PBX1: variants seen among roughly 807,000 people sequenced by gnomAD.
The protein encoded by PBX1 is pre-B-cell leukemia transcription factor 1.
In PBX1, 6 loss-of-function variants were observed where a neutral mutation model predicts 53.4. The observed-to-expected ratio is 0.11, with a 90% CI of 0.06 to 0.22. PBX1 has a LOEUF of 0.22. Among genes scored for constraint, PBX1 ranks in the 10% least tolerant of loss-of-function variants. The probability of loss-of-function intolerance (pLI) is 1.00; values close to 1 mark genes in which losing one functional copy is unlikely to be tolerated. For synonymous variants in PBX1, 204 were observed against 212.3 expected, an observed-to-expected ratio of 0.96 and a Z score of 0.34; for missense variants, 251 against 551.4, an observed-to-expected ratio of 0.46 and a Z score of 5.46.
intron 2 of PBX1, among the ~76,000 whole-genome samples, chr1:164,610,037 C>A (rs1024485285): frequency 1.3e-5 from 2 of 152,140 alleles, no homozygotes; most frequent in Non-Finnish European, 2.9e-5. Context: ...TGCACATTCA[C>A]GATGCCCTCT....
chr1:164,710,428 T>A (rs1459931418), intron 2 of PBX1, among the ~76,000 whole-genome samples: 1 of 152,126 alleles, frequency 6.6e-6, no homozygotes, highest in Non-Finnish European at 1.5e-5. Context: ...TTTTGTTTTT[T>A]GAGATGGAGT....
intron 1 of PBX1, among the ~76,000 whole-genome samples, chr1:164,560,918 G>A (rs988387677): frequency 2.0e-5 from 3 of 152,112 alleles, no homozygotes; most frequent in African/African-American, 4.8e-5. Context: ...AGGACATGAA[G>A]GTCTTCATTA....
intron 2 of PBX1, among the ~76,000 whole-genome samples, chr1:164,623,234 T>G (rs1371172186): frequency 1.3e-5 from 2 of 152,128 alleles, no homozygotes; most frequent in Non-Finnish European, 2.9e-5. Flanking sequence ...ATGCGGTGTA[T>G]ATAGATAGAT....
intron 2 of PBX1, among the ~76,000 whole-genome samples, chr1:164,657,924 C>T (rs1360279568): frequency 1.3e-5 from 2 of 152,230 alleles, no homozygotes; most frequent in Admixed American, 6.5e-5. Context: ...TTTGCCACTC[C>T]ATGTCTTGCC....
chr1:164,678,635 T>G lies in PBX1; in HGVS notation c.266-113859T>G, dbSNP rs181087942. Among the ~76,000 whole-genome samples the G allele has an allele frequency of 3.9e-3, 595 of 152,288 alleles. 2 individuals are homozygous for G. Among genetic ancestry groups the G allele is most frequent in the African/African-American group, 0.013 (551 of 41,550 alleles). On this transcript the variant is annotated intron_variant, in intron 2 of 8. Transcript: ENST00000420696. ...CCCACATCCCTGCAACAATTTAACC[T>G]ATGTCTTGTAATCTGTTAGTTTTCA...
At chr1:164,667,229 C>T (rs889119204) in intron 2 of PBX1, among the ~76,000 whole-genome samples, 7 of 152,008 alleles carry the variant, frequency 4.6e-5, no homozygotes, top group Admixed American at 2.0e-4. Context: ...TTGCACTGGG[C>T]GTGTATTTAG....
At chr1:164,733,263 CTT>C (rs1416313309) in intron 2 of PBX1, among the ~76,000 whole-genome samples, 2 of 152,160 alleles carry the variant, frequency 1.3e-5, no homozygotes, top group African/African-American at 4.8e-5. Context: ...AGACTGAGAA[CTT>C]CTTGATGTCG....
intron 2 of PBX1, among the ~76,000 whole-genome samples, chr1:164,746,063 AT>A (rs1451781872): frequency 6.6e-6 from 1 of 152,216 alleles, no homozygotes; most frequent in African/African-American, 2.4e-5. Context: ...GTACATGTAT[AT>A]TTTTAAATGG....
chr1:164,664,182 G>A (rs555134553), intron 2 of PBX1, among the ~76,000 whole-genome samples: 1 of 152,322 alleles, frequency 6.6e-6, no homozygotes, highest in East Asian at 1.9e-4. Context: ...GAGAAAGTCT[G>A]CTTTTTCCTC....
chr1:164,648,852 C>G (rs1481876691), intron 2 of PBX1, among the ~76,000 whole-genome samples: 2 of 152,224 alleles, frequency 1.3e-5, no homozygotes, highest in Non-Finnish European at 2.9e-5. Flanking sequence ...GCAGGGGCCT[C>G]TAGCCCCAGG....
intron 2 of PBX1, among the ~76,000 whole-genome samples, chr1:164,601,235 C>CAAA (rs746798555): frequency 1.2e-4 from 4 of 33,996 alleles, no homozygotes; most frequent in East Asian, 1.6e-3. Flanking sequence ...GATTCTGTCT[C>CAAA]AAAAAAAAAA....
At chr1:164,852,110 C>A (rs553898354), downstream of PBX1, among the ~76,000 whole-genome samples, 1 of 152,182 alleles carries the variant, frequency 6.6e-6, no homozygotes, top group African/African-American at 2.4e-5. Flanking sequence ...CCACCAAGCA[C>A]CAGTTCAGAG....
Position 164,849,339 on chromosome 1 carries a change from G to A in PBX1, c.*2663G>A. 4 of 1,535,512 alleles carry A rather than the reference G, an allele frequency of 2.6e-6. No homozygotes were observed. The highest frequency in any genetic ancestry group is 3.5e-6 in the Non-Finnish European group (4 of 1,146,756). On this transcript the variant is annotated 3_prime_UTR_variant, in exon 9 of 9. Transcript: ENST00000420696. ...TTTCACTTAGTCTTCTCTATACCCAGCACCTCCCCCGGCACCCCCGGCAAG... is the reference window on the plus strand; with the variant it reads ...TTTCACTTAGTCTTCTCTATACCCAACACCTCCCCCGGCACCCCCGGCAAG...
intron 2 of PBX1, among the ~76,000 whole-genome samples, chr1:164,745,966 A>G (rs897329040): frequency 2.0e-5 from 3 of 152,208 alleles, no homozygotes; most frequent in Admixed American, 6.5e-5. Flanking sequence ...GGTAAATATC[A>G]TGATCAAACA....
At chr1:164,792,759 C>T in intron 3 of PBX1, 21 bp downstream of exon 3, 1 of 1,555,524 alleles carries the variant, frequency 6.4e-7, no homozygotes. Context: ...CCACCTGGGG[C>T]TCGGCACCCA....
At chr1:164,664,323 T>C (rs563078222) in intron 2 of PBX1, among the ~76,000 whole-genome samples, 1 of 152,302 alleles carries the variant, frequency 6.6e-6, no homozygotes, top group African/African-American at 2.4e-5. Context: ...TTTTAGTTGG[T>C]GTCCCTCTAG....
chr1:164,689,929 T>C (rs1202563254), intron 2 of PBX1, among the ~76,000 whole-genome samples: 1 of 152,064 alleles, frequency 6.6e-6, no homozygotes, highest in Non-Finnish European at 1.5e-5. Context: ...AAGTGCCAAA[T>C]GTTTCTTGAT....
chr1:164,636,263 A>AAGG (rs1177319156), intron 2 of PBX1, among the ~76,000 whole-genome samples: 1 of 152,206 alleles, frequency 6.6e-6, no homozygotes, highest in East Asian at 1.9e-4. Flanking sequence ...TGGGTTAACC[A>AAGG]AGGAGAAGGA....
chr1:164,847,545 T>G lies in PBX1; in HGVS notation c.*869T>G, dbSNP rs1436716729. ...TGCAAAACTGGGCCTGAGTTAGGCA[T>G]GGTGATGAATGCATCAGCAAGGAAT... is the stretch of plus-strand genomic sequence containing the variant. On this transcript the variant is annotated 3_prime_UTR_variant, in exon 9 of 9. Coordinates refer to ENST00000420696, the MANE Select transcript of PBX1 (RefSeq NM_002585.4). 1 of 1,062,546 alleles carries G rather than the reference T, an allele frequency of 9.4e-7. No homozygotes were observed. Among genetic ancestry groups the G allele is most frequent in the Non-Finnish European group, 1.1e-6 (1 of 877,714 alleles). The allele number at this position is 1,062,546 out of a possible 1,614,324, so 65.8% of individuals were successfully genotyped here.
Sources: allele counts gnomAD v4.1 joint callset (sites outside exome capture counted in the v4.1 genomes callset), GRCh38; gene constraint gnomAD v4.1.1; transcripts MANE v1.5; gene names NCBI Gene and HGNC (gene_info 2026-07-23, HGNC 2026-07-21).